PRKN: variants seen among roughly 807,000 people sequenced by gnomAD.
PRKN encodes the protein parkin RBR E3 ubiquitin protein ligase.
In PRKN, 56 loss-of-function variants were observed where a neutral mutation model predicts 59.5. The ratio of observed to expected loss-of-function variants is 0.94; its 90% CI spans 0.76 to 1.18. The LOEUF is 1.18. PRKN is among the 50% of genes most tolerant of loss of function. The pLI, the probability that PRKN is intolerant of heterozygous loss-of-function variation, is 0.00. For missense variants in PRKN, 657 were observed against 596.4 expected, an observed-to-expected ratio of 1.10 and a Z score of -1.06; for synonymous variants, 250 against 222.1, an observed-to-expected ratio of 1.13 and a Z score of -1.12.
chr6:161,605,972 G>A (rs903829279), intron 7 of PRKN, among the ~76,000 whole-genome samples: 1 of 152,162 alleles, frequency 6.6e-6, no homozygotes, highest in Non-Finnish European at 1.5e-5. Flanking sequence ...GTTTCCTCAG[G>A]AACCAACCAT....
intron 7 of PRKN, among the ~76,000 whole-genome samples, chr6:161,693,805 T>G (rs963912252): frequency 6.6e-6 from 1 of 152,170 alleles, no homozygotes; most frequent in Non-Finnish European, 1.5e-5. Context: ...GTATGGCCAA[T>G]TCCCAAAGTT....
In PRKN at chr6:161,582,171, T is replaced by C. The variant is rs1343930035; in HGVS notation, c.872-12755A>G. ...CTCTCTGGCTCACAGAAAGTAACAGTTTTAAAGGAGATATTTTAAAAGGTA... is the reference window on the plus strand; with the variant it reads ...CTCTCTGGCTCACAGAAAGTAACAGCTTTAAAGGAGATATTTTAAAAGGTA... On this transcript the variant is annotated intron_variant, in intron 7 of 11. Coordinates refer to ENST00000366898, the MANE Select transcript of PRKN (RefSeq NM_004562.3). The surrounding 1 kb of genome is among the most constrained non-coding windows in gnomAD (Gnocchi z 4.4). 6.6e-6 allele frequency among the ~76,000 whole-genome samples: 1 copy of C among 152,152 alleles called. No homozygotes were observed. Among genetic ancestry groups the C allele is most frequent in the Non-Finnish European group, 1.5e-5 (1 of 68,020 alleles).
rs1397755406 is a variant in PRKN, at chr6:161,359,315, T to C, written c.1285+773A>G. 6.6e-6 allele frequency among the ~76,000 whole-genome samples: 1 copy of C among 152,172 alleles called. No homozygotes were observed. Among genetic ancestry groups the C allele is most frequent in the African/African-American group, 2.4e-5 (1 of 41,426 alleles). On this transcript the variant is annotated intron_variant, in intron 11 of 11. Coordinates refer to ENST00000366898, the MANE Select transcript of PRKN (RefSeq NM_004562.3). This position sits in a 1 kb window ranked among gnomAD's most constrained non-coding sequence, Gnocchi z 5.4. Reference sequence around the variant, plus strand: ...ATTAATGAAAACTTCCTGAAGGACATAACTGAAAAGAGAGAGGCTTGAGTG... The same window carrying C: ...ATTAATGAAAACTTCCTGAAGGACACAACTGAAAAGAGAGAGGCTTGAGTG...
chr6:162,435,323 A>G (rs1244202287), intron 2 of PRKN, among the ~76,000 whole-genome samples: 3 of 151,858 alleles, frequency 2.0e-5, no homozygotes, highest in Non-Finnish European at 4.4e-5. Context: ...TATCTTCAGC[A>G]TCTTATAAGC....
intron 4 of PRKN, among the ~76,000 whole-genome samples, chr6:162,168,556 CAAAAAAAAAA>C (rs771060815): frequency 3.6e-4 from 17 of 47,312 alleles, no homozygotes; most frequent in Admixed American, 1.4e-3. Flanking sequence ...ATCTGTTTTA[CAAAAAAAAAA>C]AAAAAAAAAA....
At chr6:162,449,030 GAT>G (rs1426145301) in intron 1 of PRKN, among the ~76,000 whole-genome samples, 3 of 151,908 alleles carry the variant, frequency 2.0e-5, no homozygotes, top group Non-Finnish European at 4.4e-5. Flanking sequence ...TGCGATTACA[GAT>G]GCCCACCACC....
intron 9 of PRKN, among the ~76,000 whole-genome samples, chr6:161,516,847 A>G (rs1465117815): frequency 1.4e-5 from 2 of 145,306 alleles, no homozygotes; most frequent in East Asian, 4.0e-4. Flanking sequence ...AAAAAAAAAA[A>G]GAAAGAAAAA....
In PRKN at chr6:161,362,766, C is replaced by T. The variant is rs1785026371; in HGVS notation, c.1168-2561G>A. Among the ~76,000 whole-genome samples the T allele has an allele frequency of 6.6e-6, 1 of 152,206 alleles. No individual in the cohort carries two copies. The highest frequency in any genetic ancestry group is 1.5e-5 in the Non-Finnish European group (1 of 68,034). On this transcript the variant is annotated intron_variant, in intron 10 of 11. Transcript: ENST00000366898. This position sits in a 1 kb window ranked among gnomAD's most constrained non-coding sequence, Gnocchi z 5.2. ...CAAAAATATCTTTTGTGGAGCACAG[C>T]ACTTTAAAAAGCCAAACCTCAAGGA...
At chr6:162,360,090 T>G (rs936524035) in intron 2 of PRKN, among the ~76,000 whole-genome samples, 48 of 152,006 alleles carry the variant, frequency 3.2e-4, no homozygotes, top group African/African-American at 1.1e-3. Context: ...TGTGTGTGTG[T>G]GTGGGTGGGT....
chr6:162,724,058 C>CA (rs1329497268), intron 1 of PRKN, among the ~76,000 whole-genome samples: 1 of 152,174 alleles, frequency 6.6e-6, no homozygotes, highest in Non-Finnish European at 1.5e-5. Flanking sequence ...TGCTGTTACT[C>CA]AAATACCTAA....
At chr6:161,704,620 G>A (rs903662271) in intron 7 of PRKN, among the ~76,000 whole-genome samples, 3 of 151,986 alleles carry the variant, frequency 2.0e-5, no homozygotes, top group Admixed American at 6.6e-5. Flanking sequence ...CAGGTCCTCC[G>A]GTTCCCCACC....
At chr6:162,511,891 G>A (rs1028519667) in intron 1 of PRKN, among the ~76,000 whole-genome samples, 7 of 152,232 alleles carry the variant, frequency 4.6e-5, no homozygotes, top group South Asian at 2.1e-4. Context: ...AAAAGTAATG[G>A]AGATTACACT....
rs1780041959 is a variant in PRKN at position 161,552,128 on chromosome 6, T to C, written c.934-3125A>G. Among the ~76,000 whole-genome samples, 1 of 152,174 alleles carries C rather than the reference T, an allele frequency of 6.6e-6. No homozygotes were observed. The highest frequency in any genetic ancestry group is 2.4e-5 in the African/African-American group (1 of 41,444). Reference sequence around the variant, plus strand: ...AGAGATGATGAATTTAAAGGAAAACTCGTGAGCAGAGTCTTCTGTTTCTCT... The same window carrying C: ...AGAGATGATGAATTTAAAGGAAAACCCGTGAGCAGAGTCTTCTGTTTCTCT... On this transcript the variant is annotated intron_variant, in intron 8 of 11. Coordinates refer to ENST00000366898, the MANE Select transcript of PRKN (RefSeq NM_004562.3). This position sits in a 1 kb window ranked among gnomAD's most constrained non-coding sequence, Gnocchi z 4.9.
chr6:162,010,214 A>G (rs1038559751), intron 5 of PRKN, among the ~76,000 whole-genome samples: 177 of 134,952 alleles, frequency 1.3e-3, no homozygotes, highest in Non-Finnish European at 2.4e-3. Context: ...TATATATATT[A>G]TATATACATA....
chr6:161,867,774 T>TTTATTTATTTAC (rs1179149298), intron 6 of PRKN, among the ~76,000 whole-genome samples: 2 of 151,494 alleles, frequency 1.3e-5, no homozygotes, highest in Non-Finnish European at 2.9e-5. Context: ...TATTTATTTA[T>TTTATTTATTTAC]TTTTGAGACA....
chr6:162,332,348 G>A (rs1188780448), intron 2 of PRKN, among the ~76,000 whole-genome samples: 1 of 152,210 alleles, frequency 6.6e-6, no homozygotes, highest in African/African-American at 2.4e-5. Flanking sequence ...TCCAGGAGCA[G>A]TGTCAACACA....
At position 161,386,961 on chromosome 6, in the gene PRKN, A is replaced by G. The variant is rs1562412902; in HGVS notation, c.1084-84T>C. ...ATTTTTCCTTTTCCAAATTCATTATATTCATTCCTCTGGCTTGTGCAACAG... is the reference window on the plus strand; with the variant it reads ...ATTTTTCCTTTTCCAAATTCATTATGTTCATTCCTCTGGCTTGTGCAACAG... On this transcript the variant is annotated intron_variant, in intron 9 of 11. Coordinates refer to ENST00000366898, the MANE Select transcript of PRKN (RefSeq NM_004562.3). The surrounding 1 kb of genome is among the most constrained non-coding windows in gnomAD (Gnocchi z 4.3). The G allele has an allele frequency of 4.8e-6, 5 of 1,048,400 alleles. No homozygotes were observed. The highest frequency in any genetic ancestry group is 7.5e-6 in the Non-Finnish European group (5 of 664,578). 64.9% of individuals were successfully genotyped at this position (1,048,400 alleles called of 1,614,324 possible).
intron 6 of PRKN, among the ~76,000 whole-genome samples, chr6:161,882,284 G>A (rs1355966964): frequency 6.6e-6 from 1 of 152,082 alleles, no homozygotes; most frequent in Admixed American, 6.5e-5. Context: ...AGGTGAAAGG[G>A]CATCGTTTCT....
chr6:161,936,438 T>C (rs1779359581), intron 6 of PRKN, among the ~76,000 whole-genome samples: 3 of 152,114 alleles, frequency 2.0e-5, no homozygotes, highest in African/African-American at 4.8e-5. Context: ...CTCCATCTCC[T>C]GACCTCGTGA....
Sources: gnomAD v4.1 joint callset for allele counts (sites outside exome capture counted in the v4.1 genomes callset) on GRCh38, gnomAD v4.1.1 for gene constraint, Gnocchi (gnomAD v3.1) non-coding constraint, MANE v1.5 for transcripts, NCBI Gene and HGNC (gene_info 2026-07-23, HGNC 2026-07-21) for gene names.